The following ABCA3 variants were observed in gnomAD, a reference collection of about 807,000 sequenced individuals.
ABCA3 encodes ATP binding cassette subfamily A member 3.
ABCA3 carries 88 observed loss-of-function variants against 172.8 expected under a neutral mutation model. That is an observed-to-expected ratio of 0.51 (90% confidence interval 0.43 to 0.61). The LOEUF is 0.61. Ranked by LOEUF, ABCA3 falls within the 20% of genes least tolerant of loss-of-function variation. ABCA3 has a pLI of 0.00. For synonymous variants in ABCA3, 1,066 were observed against 983.8 expected, an observed-to-expected ratio of 1.08 and a Z score of -1.56; for missense variants, 2,164 against 2,301.0, an observed-to-expected ratio of 0.94 and a Z score of 1.22.
intron 2 of ABCA3, 142 bp from the exon 3 acceptor site, chr16:2,328,899 T>TA (rs1491474965): frequency 1.4e-5 from 2 of 138,436 alleles, no homozygotes; most frequent in East Asian, 4.1e-4. Context: ...CGGGGAAGGG[T>TA]TTTTTTTTTT....
Position 2,326,271 on chromosome 16 carries a change from G to A in ABCA3, c.58C>T (p.Arg20Trp), listed in dbSNP as rs145242436. The A allele has an allele frequency of 1.1e-4, 178 of 1,612,822 alleles. No homozygotes were observed. The highest frequency in any genetic ancestry group is 1.4e-4 in the Non-Finnish European group (167 of 1,180,034). Residue 20 changes from arginine to tryptophan, a missense_variant, in exon 5 of 33, where the codon CGG becomes TGG. Arg to Trp is a moderately radical substitution (Grantham distance 101, BLOSUM62 -3). Transcript: ENST00000301732. ...TCCAGGACCGTCACCAGGACCTTCC[G>A]CTTCTGGAAGAGATACAATAGGGCA... ...LLWKNYTLQK[R>W]KVLVTVLELF...
chr16:2,326,228 AGCAATG>A lies in ABCA3; in HGVS notation c.95_100del (p.Pro32_Leu33del). 6.2e-7 allele frequency: 1 copy of A among 1,613,984 alleles called. No individual in the cohort carries two copies. The highest frequency in any genetic ancestry group is 8.5e-7 in the Non-Finnish European group (1 of 1,180,048). On this transcript the variant is annotated inframe_deletion, in exon 5 of 33. Coordinates refer to ENST00000301732, the MANE Select transcript of ABCA3 (RefSeq NM_001089.3). ...GAGCCAGATGAGGATCCCAGAAAAC[AGCAATG>A]GCAGGAAGAGTTCCAGGACCGTCAC... is the stretch of plus-strand genomic sequence containing the variant.
rs45488995 is a variant in ABCA3 at position 2,318,586 on chromosome 16, C to G, written c.874-822G>C. On this transcript the variant is annotated intron_variant, in intron 8 of 32. Transcript: ENST00000301732. Reference sequence around the variant, plus strand: ...GGAGTGCAGTGGTGCGATCTTGGCTCACTGCAACCTCCACCTCCCGGGTTC... The same window carrying G: ...GGAGTGCAGTGGTGCGATCTTGGCTGACTGCAACCTCCACCTCCCGGGTTC... Among the ~76,000 whole-genome samples the G allele has an allele frequency of 3.6e-3, 550 of 151,360 alleles. 1 individual carries two copies. Among genetic ancestry groups the G allele is most frequent in the Non-Finnish European group, 5.7e-3 (390 of 67,886 alleles).
chr16:2,291,780 T>C (rs2093672457), intron 19 of ABCA3, among the ~76,000 whole-genome samples: 1 of 152,166 alleles, frequency 6.6e-6, no homozygotes, highest in Non-Finnish European at 1.5e-5. Flanking sequence ...ACTGCACTTT[T>C]TAGAAGTCCT....
At chr16:2,295,024 T>G (rs569350308) in intron 18 of ABCA3, among the ~76,000 whole-genome samples, 8 of 152,008 alleles carry the variant, frequency 5.3e-5, no homozygotes, top group African/African-American at 4.8e-5. Flanking sequence ...TAAATAAATG[T>G]AAAATGGAAA....
intron 14 of ABCA3, 114 bp downstream of exon 14, chr16:2,299,289 C>T: frequency 6.8e-7 from 1 of 1,467,186 alleles, no homozygotes; most frequent in South Asian, 1.2e-5. Context: ...TCTCCTGCCG[C>T]TGTGGTTGGG....
In ABCA3 at chr16:2,277,478, G is replaced by A. The variant is rs990583617; in HGVS notation, c.4983+119C>T. 9.5e-6 allele frequency: 10 copies of A among 1,055,260 alleles called. No individual in the cohort carries two copies. Among genetic ancestry groups the A allele is most frequent in the Non-Finnish European group, 1.0e-5 (7 of 698,982 alleles). 65.4% of individuals were successfully genotyped at this position (1,055,260 alleles called of 1,614,324 possible). A position where few individuals can be genotyped will look rare whatever the true frequency, so the allele number is the denominator to read the frequency against. On this transcript the variant is annotated intron_variant, in intron 32 of 32. Coordinates refer to ENST00000301732, the MANE Select transcript of ABCA3 (RefSeq NM_001089.3). This position sits in a 1 kb window ranked among gnomAD's most constrained non-coding sequence, Gnocchi z 5.3. ...GCACGTATCAGGCTGAGTGTTAGGG[G>A]AGAAATGGAAAGTGACTCCTCTGTG...
At chr16:2,308,765 A>G (rs1157022771) in intron 10 of ABCA3, 142 bp from the exon 11 acceptor site, 7 of 908,390 alleles carry the variant, frequency 7.7e-6, no homozygotes, top group Non-Finnish European at 1.2e-5. Flanking sequence ...CACGGGACAC[A>G]AGCTCCAGCA....
intron 10 of ABCA3, among the ~76,000 whole-genome samples, chr16:2,314,580 AT>A (rs35518923): frequency 6.1e-4 from 90 of 146,958 alleles, no homozygotes; most frequent in Middle Eastern, 3.5e-3. Flanking sequence ...CACAATGGTA[AT>A]TTTTTTTTTT....
intron 18 of ABCA3, among the ~76,000 whole-genome samples, chr16:2,293,367 C>CTTTTT (rs71148126): frequency 4.8e-5 from 5 of 103,426 alleles, no homozygotes; most frequent in Admixed American, 1.2e-4. Context: ...GCCAAAATGC[C>CTTTTT]TTTTTTTTTT....
At position 2,303,971 on chromosome 16, in the gene ABCA3, T is replaced by A. The variant is rs150543946; in HGVS notation, c.1465A>T (p.Met489Leu). ...AAGAGCAGGGCATCAGAACTCACCA[T>A]GATGAAGAAGTACCAGGGCTGAGGC... Reference protein sequence around the residue: ...GVPQPWYFFIMPSYWCGKPRA... With the variant: ...GVPQPWYFFILPSYWCGKPRA... Residue 489 changes from methionine (M) to leucine (L), a missense_variant and splice_region_variant, in exon 12 of 33, where the codon ATG becomes TTG. Met to Leu is a conservative substitution (Grantham distance 15). Coordinates refer to ENST00000301732, the MANE Select transcript of ABCA3 (RefSeq NM_001089.3). 288 of 1,613,892 alleles carry A rather than the reference T, an allele frequency of 1.8e-4. 1 individual carries two copies. In the Middle Eastern group the frequency reaches 6.1e-3, roughly 34 times the overall value.
chr16:2,292,370 C>A (rs565098627), intron 18 of ABCA3, 132 bp from the exon 19 acceptor site: 3 of 717,154 alleles, frequency 4.2e-6, no homozygotes, highest in East Asian at 2.8e-5. Flanking sequence ...GACGCCAAGG[C>A]GGGCGGATCA....
rs1426053737 is a variant in ABCA3 at position 2,297,633 on chromosome 16, C to G, written c.2053-94G>C. ...AGGCCCCATCGAGGGGTTCGCGGAGCCGGCTTGAGTCCTCCAAGGATGGTG... is the reference window on the plus strand; with the variant it reads ...AGGCCCCATCGAGGGGTTCGCGGAGGCGGCTTGAGTCCTCCAAGGATGGTG... On this transcript the variant is annotated intron_variant, in intron 16 of 32. Transcript: ENST00000301732. This position sits in a 1 kb window ranked among gnomAD's most constrained non-coding sequence, Gnocchi z 5.6. 2 of 1,588,460 alleles carry G rather than the reference C, an allele frequency of 1.3e-6. No homozygotes were observed. Among genetic ancestry groups the G allele is most frequent in the East Asian group, 2.2e-5 (1 of 44,498 alleles).
rs933769907 is a variant in ABCA3, at chr16:2,286,279, G to A, written c.3278+415C>T. Among the ~76,000 whole-genome samples, 7 of 152,206 alleles carry A rather than the reference G, an allele frequency of 4.6e-5. No homozygotes were observed. Among genetic ancestry groups the A allele is most frequent in the Non-Finnish European group, 7.3e-5 (5 of 68,028 alleles). On this transcript the variant is annotated intron_variant, in intron 22 of 32. Coordinates refer to ENST00000301732, the MANE Select transcript of ABCA3 (RefSeq NM_001089.3). This position sits in a 1 kb window ranked among gnomAD's most constrained non-coding sequence, Gnocchi z 5.2. ...CCACACAATGGCATGGCAGGCTCCC[G>A]ACGTGCGGCCATCTGAGGAACAGGG...
At chr16:2,333,976 G>C (rs918927716) in intron 1 of ABCA3, among the ~76,000 whole-genome samples, 1 of 152,188 alleles carries the variant, frequency 6.6e-6, no homozygotes, top group Non-Finnish European at 1.5e-5. Context: ...ACAGGCATGA[G>C]CCACCACGCC....
rs759691078 is a variant in ABCA3 at position 2,317,297 on chromosome 16, G to C, written c.1097C>G (p.Thr366Ser). ...CTGGGGCTCACCTTTGCTGAAGAAG[G>C]TGCTGACCATGAAGCTGAAGGAGAT... Reference protein sequence around the residue: ...STISFSFMVSTFFSKANMAAA... With the variant: ...STISFSFMVSSFFSKANMAAA... The change falls in exon 10 of 33, where the codon ACC becomes AGC. Residue 366 changes from threonine (T) to serine (S), a missense_variant. Around this residue, in one of 3 missense-constraint regions of ABCA3, gnomAD observed 1,343 missense variants for 1,369.6 expected, o/e 0.98. Transcript: ENST00000301732. 2.5e-6 allele frequency: 4 copies of C among 1,613,972 alleles called. No homozygotes were observed. The African/African-American group carries it at 5.3e-5, about 22-fold the overall frequency.
At chr16:2,291,707 C>T (rs1248040373) in intron 19 of ABCA3, among the ~76,000 whole-genome samples, 1 of 152,240 alleles carries the variant, frequency 6.6e-6, no homozygotes, top group Non-Finnish European at 1.5e-5. Context: ...GCCCGCCCCA[C>T]CCCAGGCTGT....
chr16:2,326,808 T>G (rs1037038584), intron 3 of ABCA3, among the ~76,000 whole-genome samples: 1 of 152,198 alleles, frequency 6.6e-6, no homozygotes, highest in South Asian at 2.1e-4. Flanking sequence ...GCCAACATGG[T>G]GAAACCCCGT....
At position 2,318,184 on chromosome 16, in the gene ABCA3, G is replaced by A. The variant is rs183615020; in HGVS notation, c.874-420C>T. Among the ~76,000 whole-genome samples, 38 of 152,320 alleles carry A rather than the reference G, an allele frequency of 2.5e-4. No homozygotes were observed. In the East Asian group the frequency reaches 7.3e-3, roughly 29 times the overall value. ...TCCATGGCTGTGAGACGTGACCACA[G>A]ATCAGACCATAGCTGTGGATGCCAT... is the stretch of plus-strand genomic sequence containing the variant. On this transcript the variant is annotated intron_variant, in intron 8 of 32. Transcript: ENST00000301732.
Sources: allele counts gnomAD v4.1 joint callset (sites outside exome capture counted in the v4.1 genomes callset), GRCh38; gene constraint gnomAD v4.1.1; regional missense constraint gnomAD v4.1.1; non-coding constraint Gnocchi (gnomAD v3.1); transcripts MANE v1.5; gene names NCBI Gene and HGNC (gene_info 2026-07-23, HGNC 2026-07-21).